Variants in DCC observed in about 807,000 individuals in gnomAD.
DCC encodes the protein netrin receptor DCC.
In DCC, 58 loss-of-function variants were observed where a neutral mutation model predicts 172.5. That is an observed-to-expected ratio of 0.34 (90% confidence interval 0.27 to 0.42). DCC has a LOEUF of 0.42. Ranked by LOEUF, DCC falls within the 10% of genes least tolerant of loss-of-function variation. The probability of loss-of-function intolerance (pLI) is 1.00; values close to 1 mark genes in which losing one functional copy is unlikely to be tolerated. For synonymous variants in DCC, 709 were observed against 644.5 expected, an observed-to-expected ratio of 1.10 and a Z score of -1.52; for missense variants, 1,740 against 1,791.0, an observed-to-expected ratio of 0.97 and a Z score of 0.51.
intron 7 of DCC, among the ~76,000 whole-genome samples, chr18:53,079,741 T>C (rs186458541): frequency 1.6e-3 from 249 of 152,224 alleles, no homozygotes; most frequent in Non-Finnish European, 2.8e-3. Flanking sequence ...TGAGTTGAAA[T>C]GGACTTTGAA....
chr18:52,502,564 A>T (rs926397132), intron 1 of DCC, among the ~76,000 whole-genome samples: 1 of 152,222 alleles, frequency 6.6e-6, no homozygotes, highest in African/African-American at 2.4e-5. Flanking sequence ...GCCACTGAAC[A>T]TCTAGAATTG....
intron 5 of DCC, among the ~76,000 whole-genome samples, chr18:52,962,122 C>G (rs2040852092): frequency 6.7e-6 from 1 of 149,930 alleles, no homozygotes; most frequent in African/African-American, 2.4e-5. Context: ...TCTAATTAAA[C>G]TAAAGAGCTT....
chr18:52,571,868 G>A (rs1392016358), intron 1 of DCC, among the ~76,000 whole-genome samples: 1 of 152,184 alleles, frequency 6.6e-6, no homozygotes, highest in African/African-American at 2.4e-5. Flanking sequence ...GTAGCAACAT[G>A]TATGGAAACA....
At chr18:52,963,828 GTT>G (rs199927780) in intron 5 of DCC, among the ~76,000 whole-genome samples, 3 of 145,614 alleles carry the variant, frequency 2.1e-5, no homozygotes, top group African/African-American at 2.5e-5. Flanking sequence ...ATTATCTCTA[GTT>G]TTTTTTTTTT....
chr18:53,513,347 G>C (rs547949381), intron 27 of DCC, among the ~76,000 whole-genome samples: 7 of 152,112 alleles, frequency 4.6e-5, no homozygotes, highest in Non-Finnish European at 7.4e-5. Flanking sequence ...GGTACCAGCC[G>C]CTGCAAAATT....
intron 12 of DCC, among the ~76,000 whole-genome samples, chr18:53,297,835 A>G (rs900490677): frequency 6.6e-6 from 1 of 152,218 alleles, no homozygotes; most frequent in African/African-American, 2.4e-5. Flanking sequence ...CCTAAGAAGA[A>G]AGAATCTTTG....
intron 5 of DCC, among the ~76,000 whole-genome samples, chr18:52,960,903 T>C (rs1285921667): frequency 6.6e-6 from 1 of 152,166 alleles, no homozygotes; most frequent in Non-Finnish European, 1.5e-5. Context: ...ATTTATATTT[T>C]TGTAGTAAGA....
At chr18:52,386,692 G>C (rs1359841869) in intron 1 of DCC, among the ~76,000 whole-genome samples, 3 of 152,050 alleles carry the variant, frequency 2.0e-5, no homozygotes. Flanking sequence ...TACACAGCAG[G>C]ATAAGCAAAT....
chr18:52,537,065 A>G (rs935231598), intron 1 of DCC, among the ~76,000 whole-genome samples: 1 of 152,126 alleles, frequency 6.6e-6, no homozygotes, highest in African/African-American at 2.4e-5. Context: ...GGATTTGATT[A>G]TTTTTGTACC....
At chr18:52,542,105 T>A (rs1145273) in intron 1 of DCC, among the ~76,000 whole-genome samples, 1 of 150,050 alleles carries the variant, frequency 6.7e-6, no homozygotes, top group African/African-American at 2.4e-5. Flanking sequence ...AAATCTATAC[T>A]AGGACCTATC....
At chr18:52,783,683 T>A (rs2037598237) in intron 2 of DCC, among the ~76,000 whole-genome samples, 1 of 151,682 alleles carries the variant, frequency 6.6e-6, no homozygotes, top group Non-Finnish European at 1.5e-5. Context: ...CAAGTGTATA[T>A]GTGTATGTAT....
intron 14 of DCC, among the ~76,000 whole-genome samples, chr18:53,327,624 G>A (rs2057481030): frequency 6.6e-6 from 1 of 152,128 alleles, no homozygotes; most frequent in South Asian, 2.1e-4. Flanking sequence ...TCTAGGAGCT[G>A]GCCCTAATTT....
intron 7 of DCC, among the ~76,000 whole-genome samples, chr18:53,122,111 C>T (rs2043491464): frequency 6.6e-6 from 1 of 151,900 alleles, no homozygotes; most frequent in African/African-American, 2.4e-5. Flanking sequence ...GAGTTTTAAC[C>T]AACTGAGTGA....
intron 2 of DCC, among the ~76,000 whole-genome samples, chr18:52,879,425 T>C (rs1272403082): frequency 1.8e-5 from 1 of 54,458 alleles, no homozygotes. Context: ...TTTTTTTTTT[T>C]TTTTTTTTTT....
At chr18:53,467,057 A>C (rs1018156673) in intron 24 of DCC, among the ~76,000 whole-genome samples, 37 of 152,202 alleles carry the variant, frequency 2.4e-4, no homozygotes, top group African/African-American at 8.9e-4. Context: ...CAAAATAGTA[A>C]AACATATGTT....
intron 5 of DCC, among the ~76,000 whole-genome samples, chr18:52,976,127 T>C (rs776917863): frequency 2.0e-5 from 3 of 152,196 alleles, no homozygotes; most frequent in Non-Finnish European, 4.4e-5. Context: ...CCTTTTATCA[T>C]ATGATTGTTG....
intron 4 of DCC, among the ~76,000 whole-genome samples, chr18:52,924,751 A>G (rs1042287924): frequency 6.6e-6 from 1 of 152,102 alleles, no homozygotes; most frequent in Non-Finnish European, 1.5e-5. Context: ...TATTTTTGAG[A>G]ACATTAGAAC....
intron 2 of DCC, among the ~76,000 whole-genome samples, chr18:52,847,638 C>G (rs1016588967): frequency 6.6e-6 from 1 of 152,104 alleles, no homozygotes; most frequent in African/African-American, 2.4e-5. Flanking sequence ...GACACATACT[C>G]CCAATTGGGT....
At chr18:53,340,818 T>G (rs146572859) in intron 15 of DCC, among the ~76,000 whole-genome samples, 6 of 152,138 alleles carry the variant, frequency 3.9e-5, no homozygotes, top group Non-Finnish European at 7.4e-5. Context: ...TGCAGCTTGA[T>G]TGGGCAGGCA....
Sources: allele counts gnomAD v4.1 joint callset (sites outside exome capture counted in the v4.1 genomes callset), GRCh38; gene constraint gnomAD v4.1.1; transcripts MANE v1.5; gene names NCBI Gene and HGNC (gene_info 2026-07-23, HGNC 2026-07-21).